The following DLG2 variants were observed in gnomAD, a reference collection of about 807,000 sequenced individuals.
DLG2 encodes discs large MAGUK scaffold protein 2.
In DLG2, 45 loss-of-function variants were observed where a neutral mutation model predicts 132.5. The observed-to-expected ratio is 0.34, with a 90% confidence interval of 0.27 to 0.44. DLG2 has a LOEUF of 0.44. Among genes scored for constraint, DLG2 ranks in the 20% least tolerant of loss-of-function variants. DLG2 has a pLI of 1.00. For synonymous variants in DLG2, 424 were observed against 419.6 expected, an observed-to-expected ratio of 1.01 and a Z score of -0.13; for missense variants, 1,045 against 1,196.9, an observed-to-expected ratio of 0.87 and a Z score of 1.87.
At chr11:85,587,393 A>G (rs539882824) in intron 3 of DLG2, among the ~76,000 whole-genome samples, 1 of 152,240 alleles carries the variant, frequency 6.6e-6, no homozygotes, top group African/African-American at 2.4e-5. Context: ...TGTTGGGTGC[A>G]TATATATTTA....
chr11:83,964,722 C>A (rs2089779338), intron 13 of DLG2, among the ~76,000 whole-genome samples: 1 of 151,940 alleles, frequency 6.6e-6, no homozygotes, highest in South Asian at 2.1e-4. Context: ...AATTTGAGGA[C>A]CCCAGCATAG....
At chr11:84,821,247 A>G (rs754995525) in intron 6 of DLG2, among the ~76,000 whole-genome samples, 44 of 151,848 alleles carry the variant, frequency 2.9e-4, no homozygotes, top group Admixed American at 4.6e-4. Flanking sequence ...TTCACTTACT[A>G]CAATCTTATG....
At chr11:83,752,714 C>T (rs2093381395) in intron 18 of DLG2, among the ~76,000 whole-genome samples, 3 of 149,118 alleles carry the variant, frequency 2.0e-5, no homozygotes, top group Admixed American at 2.0e-4. Flanking sequence ...GAGTTTTCTC[C>T]TAAGGGATTG....
intron 9 of DLG2, among the ~76,000 whole-genome samples, chr11:84,103,970 C>G (rs2092721476): frequency 6.6e-6 from 1 of 151,404 alleles, no homozygotes; most frequent in African/African-American, 2.4e-5. Flanking sequence ...GGATTTTATC[C>G]TAAAGAAATA....
chr11:84,567,034 G>C (rs995414406), intron 6 of DLG2, among the ~76,000 whole-genome samples: 2 of 152,266 alleles, frequency 1.3e-5, no homozygotes, highest in Non-Finnish European at 2.9e-5. Context: ...CTGGTGAGGG[G>C]AGAGCAGCAG....
At chr11:85,080,357 A>T (rs149263084) in intron 6 of DLG2, among the ~76,000 whole-genome samples, 69 of 152,130 alleles carry the variant, frequency 4.5e-4, no homozygotes, top group African/African-American at 1.3e-3. Flanking sequence ...AATGTTTTTT[A>T]AAAAAAGGAC....
At chr11:84,789,105 A>G (rs1217201032) in intron 6 of DLG2, among the ~76,000 whole-genome samples, 1 of 152,232 alleles carries the variant, frequency 6.6e-6, no homozygotes, top group African/African-American at 2.4e-5. Context: ...TCAATTTTCT[A>G]TGCCCTTGTT....
rs527465984 is a variant in DLG2 at position 84,325,692 on chromosome 11, G to A, written c.520-74401C>T. ...AATTTTTGCATCTATATTCATTGAC[G>A]ATATTGGTGTGCAGTAGTATTTCTG... On this transcript the variant is annotated intron_variant, in intron 7 of 27. Coordinates refer to ENST00000376104, the MANE Select transcript of DLG2 (RefSeq NM_001142699.3). Among the ~76,000 whole-genome samples the A allele has an allele frequency of 5.7e-4, 86 of 152,192 alleles. 1 individual carries two copies. Among genetic ancestry groups the A allele is most frequent in the African/African-American group, 1.6e-3 (66 of 41,536 alleles).
intron 3 of DLG2, among the ~76,000 whole-genome samples, chr11:85,520,015 T>A (rs1198699926): frequency 6.6e-6 from 1 of 151,898 alleles, no homozygotes; most frequent in African/African-American, 2.4e-5. Context: ...ATCAGCAGCA[T>A]GAAAGTGGAC....
At chr11:83,487,075 T>G (rs1450844326) in intron 21 of DLG2, among the ~76,000 whole-genome samples, 2 of 152,096 alleles carry the variant, frequency 1.3e-5, no homozygotes, top group Admixed American at 6.6e-5. Flanking sequence ...TAGAACACAT[T>G]GTTCTGAAGC....
At chr11:84,993,894 G>C (rs553377398) in intron 6 of DLG2, among the ~76,000 whole-genome samples, 3 of 152,206 alleles carry the variant, frequency 2.0e-5, no homozygotes, top group Admixed American at 6.5e-5. Context: ...TCAGGGGTCT[G>C]CAGGAACAGA....
At chr11:85,168,684 A>G (rs75205096) in intron 4 of DLG2, among the ~76,000 whole-genome samples, 6,242 of 152,200 alleles carry the variant, frequency 0.041, 175 homozygotes, top group African/African-American at 0.076. Context: ...TGATTTTTAA[A>G]TGTATTCAAA....
intron 17 of DLG2, chr11:83,791,299 G>T: frequency 1.5e-6 from 1 of 677,666 alleles, no homozygotes; most frequent in Non-Finnish European, 2.6e-6. Flanking sequence ...GGGTTTGCCC[G>T]CCTTGCCTTT....
chr11:85,265,956 T>C (rs1352442806), intron 4 of DLG2, among the ~76,000 whole-genome samples: 1 of 152,210 alleles, frequency 6.6e-6, no homozygotes, highest in Non-Finnish European at 1.5e-5. Context: ...CATTACCTCA[T>C]TCTCTTGGAT....
At position 85,320,188 on chromosome 11, in the gene DLG2, G is replaced by T. The variant is rs144721268; in HGVS notation, c.41-34823C>A. 3.3e-3 allele frequency among the ~76,000 whole-genome samples: 494 copies of T among 151,978 alleles called. 20 individuals carry two copies. The East Asian group carries it at 0.081, about 25-fold the overall frequency. On this transcript the variant is annotated intron_variant, in intron 3 of 27. Coordinates refer to ENST00000376104, the MANE Select transcript of DLG2 (RefSeq NM_001142699.3). Reference sequence around the variant, plus strand: ...AAAAATATTGGTGAAAGGAGTGAAAGCTCAAAGAATGAAAATTTAGAGTCA... The same window carrying T: ...AAAAATATTGGTGAAAGGAGTGAAATCTCAAAGAATGAAAATTTAGAGTCA...
intron 4 of DLG2, among the ~76,000 whole-genome samples, chr11:85,215,607 A>G (rs924548511): frequency 6.6e-6 from 1 of 152,174 alleles, no homozygotes; most frequent in Admixed American, 6.6e-5. Flanking sequence ...ATGTTCCAGA[A>G]GAATCTACAT....
intron 3 of DLG2, among the ~76,000 whole-genome samples, chr11:85,411,667 CAGAT>C (rs1172617442): frequency 1.3e-5 from 2 of 151,770 alleles, no homozygotes; most frequent in African/African-American, 2.4e-5. Context: ...ATTCTGTCAA[CAGAT>C]AGATCTGTAA....
At chr11:84,552,048 C>G (rs899192081) in intron 6 of DLG2, among the ~76,000 whole-genome samples, 12 of 152,128 alleles carry the variant, frequency 7.9e-5, no homozygotes, top group African/African-American at 2.9e-4. Flanking sequence ...TGAGAGCTCC[C>G]TGATGAAAGC....
chr11:84,518,856 A>C (rs1228663261), intron 7 of DLG2, among the ~76,000 whole-genome samples: 1 of 152,184 alleles, frequency 6.6e-6, no homozygotes, highest in African/African-American at 2.4e-5. Flanking sequence ...TATGAAATAC[A>C]GAATGACATT....
Sources: gnomAD v4.1 joint callset for allele counts (sites outside exome capture counted in the v4.1 genomes callset) on GRCh38, gnomAD v4.1.1 for gene constraint, MANE v1.5 for transcripts, NCBI Gene and HGNC (gene_info 2026-07-23, HGNC 2026-07-21) for gene names.